The following GREB1 variants were observed in gnomAD, a reference collection of about 807,000 sequenced individuals.
GREB1 encodes protein GREB1.
Under a neutral mutation model 200.7 loss-of-function variants are expected in GREB1, and 106 were observed. The observed-to-expected ratio is 0.53, with a 90% CI of 0.45 to 0.62. The LOEUF (loss-of-function observed/expected upper bound fraction) is 0.62, where lower values mean the gene tolerates loss of function less well. GREB1 is among the 20% of genes least tolerant of loss of function. GREB1 has a pLI of 0.00. For missense variants in GREB1, 2,243 were observed against 2,556.8 expected, an observed-to-expected ratio of 0.88 and a Z score of 2.65; for synonymous variants, 1,132 against 1,092.4, an observed-to-expected ratio of 1.04 and a Z score of -0.72.
At chr2:11,605,057 G>A (rs1167893666) in intron 17 of GREB1, among the ~76,000 whole-genome samples, 1 of 150,068 alleles carries the variant, frequency 6.7e-6, no homozygotes, top group African/African-American at 2.4e-5. Flanking sequence ...TTAAGGGTGG[G>A]CATAGTTCTC....
At chr2:11,531,867 G>A (rs560039422), upstream of GREB1, among the ~76,000 whole-genome samples, 13 of 152,200 alleles carry the variant, frequency 8.5e-5, no homozygotes, top group African/African-American at 2.9e-4. Flanking sequence ...ACCGCACCTC[G>A]CCTAATTCTT....
chr2:11,598,760 G>T lies in GREB1; in HGVS notation c.2233G>T (p.Glu745Ter). 1 of 1,614,190 alleles carries T rather than the reference G, an allele frequency of 6.2e-7. No homozygotes were observed. The highest frequency in any genetic ancestry group is 8.5e-7 in the Non-Finnish European group (1 of 1,180,008). ...ACAGTATGTTCTGAAGCTAGACACG[G>T]AGGCACAGACAAAATTTAAGGCTTT... ...VEQYVLKLDT[E>*]AQTKFKAFLQ... Residue 745 changes from glutamate to a stop codon, truncating the protein, a stop_gained, in exon 15 of 33, where the codon GAG becomes TAG. Coordinates refer to ENST00000381486, the MANE Select transcript of GREB1 (RefSeq NM_014668.4). LOFTEE classifies it high-confidence loss of function.
chr2:11,617,442 A>G (rs1683513140), intron 21 of GREB1, among the ~76,000 whole-genome samples: 1 of 152,250 alleles, frequency 6.6e-6, no homozygotes, highest in Admixed American at 6.5e-5. Context: ...GACCTCAGGG[A>G]ACGAACTCAT....
intron 9 of GREB1, among the ~76,000 whole-genome samples, 180 bp downstream of exon 9, chr2:11,586,085 A>G (rs1363095597): frequency 1.3e-5 from 2 of 152,188 alleles, no homozygotes; most frequent in African/African-American, 4.8e-5. Flanking sequence ...TCAGCCCCTG[A>G]TCAGATGCCA....
intron 30 of GREB1, among the ~76,000 whole-genome samples, chr2:11,636,234 A>C (rs542303916): frequency 2.7e-4 from 41 of 152,282 alleles, no homozygotes; most frequent in Middle Eastern, 3.4e-3. Flanking sequence ...CATCATTGAG[A>C]TCTTACGATT....
intron 1 of GREB1, among the ~76,000 whole-genome samples, chr2:11,512,906 A>T (rs1220633699): frequency 6.6e-6 from 1 of 152,218 alleles, no homozygotes; most frequent in Non-Finnish European, 1.5e-5. Context: ...GACAAAGATA[A>T]TCAGGTCAAA....
chr2:11,587,839 G>A, intron 9 of GREB1: 1 of 1,031,284 alleles, frequency 9.7e-7, no homozygotes, highest in Non-Finnish European at 1.2e-6. Flanking sequence ...GGGCAGTTAA[G>A]CTTCTTGCTT....
Position 11,598,758 on chromosome 2 carries a change from C to T in GREB1, c.2231C>T (p.Thr744Met), listed in dbSNP as rs530928171. ...RVEQYVLKLD[T>M]EAQTKFKAFL... ...GAACAGTATGTTCTGAAGCTAGACACGGAGGCACAGACAAAATTTAAGGCT... is the reference window on the plus strand; with the variant it reads ...GAACAGTATGTTCTGAAGCTAGACATGGAGGCACAGACAAAATTTAAGGCT... The change falls in exon 15 of 33, where the codon ACG (threonine) becomes ATG (methionine). Residue 744 changes from threonine (T) to methionine (M), a missense_variant. Coordinates refer to ENST00000381486, the MANE Select transcript of GREB1 (RefSeq NM_014668.4). 28 of 1,614,090 alleles carry T rather than the reference C, an allele frequency of 1.7e-5. No individual in the cohort carries two copies. The highest frequency in any genetic ancestry group is 2.3e-5 in the Non-Finnish European group (27 of 1,179,904).
At chr2:11,638,236 G>A (rs1478149960) in intron 31 of GREB1, among the ~76,000 whole-genome samples, 2 of 152,188 alleles carry the variant, frequency 1.3e-5, no homozygotes, top group African/African-American at 4.8e-5. Flanking sequence ...TGCCTCCTGG[G>A]TTCAAGTGAT....
chr2:11,612,530 C>T lies in GREB1; in HGVS notation c.3042C>T (p.Pro1014=). The T allele has an allele frequency of 6.2e-7, 1 of 1,612,954 alleles. No homozygotes were observed. The highest frequency in any genetic ancestry group is 8.5e-7 in the Non-Finnish European group (1 of 1,179,556). ...AAATTGAGGATGTGGAGTGGAGACC[C>T]CAGACTTACTTGGAGCTGGAGGGTC... The part of the protein sequence containing the change: ...WQKIEDVEWR[P]QTYLELEGLP... Residue 1014 remains proline (P), a synonymous_variant, in exon 19 of 33, where the codon CCC becomes CCT. Coordinates refer to ENST00000381486, the MANE Select transcript of GREB1 (RefSeq NM_014668.4).
chr2:11,500,405 C>T (rs769581952), intron 1 of GREB1, among the ~76,000 whole-genome samples: 1 of 151,706 alleles, frequency 6.6e-6, no homozygotes, highest in Non-Finnish European at 1.5e-5. Context: ...GTGATCTGCT[C>T]GCCTCGGACT....
chr2:11,603,424 A>G (rs928415308), intron 17 of GREB1, among the ~76,000 whole-genome samples: 1 of 152,218 alleles, frequency 6.6e-6, no homozygotes, highest in Non-Finnish European at 1.5e-5. Context: ...CTGGATACTA[A>G]TAGCTATTAA....
At position 11,576,439 on chromosome 2, in the gene GREB1, A is replaced by G; in HGVS notation, c.541A>G (p.Thr181Ala). Reference sequence around the variant, plus strand: ...CAATCATATAAATCTGAAACTGACCACTCAACCCAAGAAGCAGAAACACTT... The same window carrying G: ...CAATCATATAAATCTGAAACTGACCGCTCAACCCAAGAAGCAGAAACACTT... The part of the protein sequence containing the change: ...FSNHINLKLT[T>A]QPKKQKHLKY... Residue 181 changes from threonine (T) to alanine (A), a missense_variant, in exon 5 of 33, where the codon ACT (threonine) becomes GCT (alanine). By Grantham distance (58) the Thr-to-Ala change is moderately conservative. Coordinates refer to ENST00000381486, the MANE Select transcript of GREB1 (RefSeq NM_014668.4). The G allele has an allele frequency of 6.2e-7, 1 of 1,613,818 alleles. No homozygotes were observed. Among genetic ancestry groups the G allele is most frequent in the Non-Finnish European group, 8.5e-7 (1 of 1,179,706 alleles).
At chr2:11,495,804 T>C (rs1415540134) in intron 1 of GREB1, among the ~76,000 whole-genome samples, 4 of 151,634 alleles carry the variant, frequency 2.6e-5, no homozygotes, top group Non-Finnish European at 5.9e-5. Flanking sequence ...CCGTTTTTTT[T>C]TTTTTTTTTG....
At chr2:11,587,721 A>ACT in intron 9 of GREB1, 1 of 1,195,892 alleles carries the variant, frequency 8.4e-7, no homozygotes, top group South Asian at 2.6e-5. Context: ...ACACACACAC[A>ACT]CACACACACA....
intron 1 of GREB1, among the ~76,000 whole-genome samples, chr2:11,490,524 A>G (rs1672754058): frequency 6.6e-6 from 1 of 152,154 alleles, no homozygotes; most frequent in Admixed American, 6.5e-5. Context: ...AATCTTCATA[A>G]ACAAATTTTT....
chr2:11,587,795 C>T (rs1000759043), intron 9 of GREB1: 3 of 1,092,304 alleles, frequency 2.7e-6, no homozygotes, highest in South Asian at 3.7e-5. Flanking sequence ...TTCACCGCTT[C>T]ACCTGGTTTT....
chr2:11,507,010 CAATA>C (rs1480564989), intron 1 of GREB1, among the ~76,000 whole-genome samples: 5 of 152,180 alleles, frequency 3.3e-5, no homozygotes, highest in African/African-American at 1.2e-4. Context: ...ACAAGATAAT[CAATA>C]ACTTATTATA....
chr2:11,494,724 TTGGGCAGGCTACTTAA>T (rs1458900885), intron 1 of GREB1, among the ~76,000 whole-genome samples: 1 of 152,170 alleles, frequency 6.6e-6, no homozygotes, highest in Non-Finnish European at 1.5e-5. Flanking sequence ...TCAGTGACAC[TTGGGCAGGCTACTTAA>T]TGTTCTCTAG....
Sources: gnomAD v4.1 joint callset for allele counts (sites outside exome capture counted in the v4.1 genomes callset) on GRCh38, gnomAD v4.1.1 for gene constraint, MANE v1.5 for transcripts, NCBI Gene and HGNC (gene_info 2026-07-23, HGNC 2026-07-21) for gene names.